RBFOX1: variants seen among roughly 807,000 people sequenced by gnomAD.
RBFOX1 encodes the protein RNA binding fox-1 homolog 1.
A neutral mutation model predicts 57.7 loss-of-function variants in RBFOX1; 8 were observed. The ratio of observed to expected loss-of-function variants is 0.14; its 90% CI spans 0.08 to 0.25. The LOEUF (loss-of-function observed/expected upper bound fraction) is 0.25. RBFOX1 is among the 10% of genes least tolerant of loss of function. The pLI is 1.00. For synonymous variants in RBFOX1, 326 were observed against 222.4 expected (o/e 1.47, Z -4.15); for missense variants, 611 against 548.5 (o/e 1.11, Z -1.14).
intron 2 of RBFOX1, among the ~76,000 whole-genome samples, chr16:6,528,196 C>G (rs1333339840): frequency 6.6e-6 from 1 of 152,132 alleles, no homozygotes; most frequent in Non-Finnish European, 1.5e-5. Context: ...CCATAAATTG[C>G]CCTGCTCATA....
chr16:5,490,751 A>T (rs1444568159), intron 2 of RBFOX1, among the ~76,000 whole-genome samples: 2 of 152,172 alleles, frequency 1.3e-5, no homozygotes, highest in Non-Finnish European at 2.9e-5. Flanking sequence ...GAGATCATGA[A>T]GCTGCCGCGC....
chr16:7,432,524 A>G (rs192794840), intron 4 of RBFOX1, among the ~76,000 whole-genome samples: 2 of 152,168 alleles, frequency 1.3e-5, no homozygotes, highest in African/African-American at 4.8e-5. Flanking sequence ...ATGCACAAAC[A>G]TTTTTTTTAT....
At chr16:7,348,841 C>G (rs2145811084) in intron 4 of RBFOX1, among the ~76,000 whole-genome samples, 1 of 152,242 alleles carries the variant, frequency 6.6e-6, no homozygotes, top group East Asian at 1.9e-4. Context: ...CCTTGGGAGG[C>G]TCAGGCAGGA....
chr16:7,211,945 C>T (rs2091225333), intron 4 of RBFOX1, among the ~76,000 whole-genome samples: 1 of 152,142 alleles, frequency 6.6e-6, no homozygotes, highest in South Asian at 2.1e-4. Flanking sequence ...GCCTTTTCCT[C>T]TCACCCCTAC....
chr16:5,891,167 G>T (rs1407057567), intron 4 of RBFOX1, among the ~76,000 whole-genome samples: 1 of 151,756 alleles, frequency 6.6e-6, no homozygotes, highest in Non-Finnish European at 1.5e-5. Flanking sequence ...TTTTTTCTTT[G>T]CACAAAGGGC....
intron 4 of RBFOX1, among the ~76,000 whole-genome samples, chr16:7,435,098 T>C (rs527740986): frequency 1.3e-5 from 2 of 152,362 alleles, no homozygotes; most frequent in South Asian, 2.1e-4. Flanking sequence ...TGTTAACTAA[T>C]GTCTACATTT....
chr16:5,687,043 A>C (rs1327008482), intron 3 of RBFOX1, among the ~76,000 whole-genome samples: 2 of 152,208 alleles, frequency 1.3e-5, no homozygotes, highest in Admixed American at 6.5e-5. Context: ...AAGAAGGATT[A>C]CTCACTCATA....
chr16:5,665,058 G>A (rs190109981), intron 3 of RBFOX1, among the ~76,000 whole-genome samples: 74 of 147,384 alleles, frequency 5.0e-4, no homozygotes, highest in Middle Eastern at 7.0e-3. Flanking sequence ...TGATTTTCTC[G>A]TCCCAGGCTC....
intron 4 of RBFOX1, among the ~76,000 whole-genome samples, chr16:7,400,340 TC>T (rs1474026224): frequency 2.0e-5 from 3 of 152,076 alleles, no homozygotes; most frequent in African/African-American, 7.2e-5. Flanking sequence ...CCCTCTCTCC[TC>T]CCACTGAACC....
At chr16:5,754,304 G>C (rs1443551825) in intron 3 of RBFOX1, among the ~76,000 whole-genome samples, 1 of 152,120 alleles carries the variant, frequency 6.6e-6, no homozygotes, top group Non-Finnish European at 1.5e-5. Context: ...ACATGTTTAG[G>C]ATTATACCTT....
intron 4 of RBFOX1, among the ~76,000 whole-genome samples, chr16:7,427,318 G>C (rs531339621): frequency 6.6e-6 from 1 of 152,282 alleles, no homozygotes; most frequent in South Asian, 2.1e-4. Context: ...TAGGATGTAG[G>C]ACGGGGCCAA....
intron 1 of RBFOX1, among the ~76,000 whole-genome samples, chr16:5,303,794 C>A (rs948846349): frequency 3.3e-5 from 5 of 151,210 alleles, no homozygotes; most frequent in African/African-American, 1.2e-4. Context: ...TCCAATAAAG[C>A]AAAAATGATT....
At chr16:5,388,958 G>A (rs1325917359) in intron 1 of RBFOX1, among the ~76,000 whole-genome samples, 1 of 151,432 alleles carries the variant, frequency 6.6e-6, no homozygotes, top group Admixed American at 6.6e-5. Flanking sequence ...TTGGGAGGCC[G>A]AGGTGGGCAG....
intron 4 of RBFOX1, among the ~76,000 whole-genome samples, chr16:7,419,211 C>T (rs57798169): frequency 0.22 from 33,853 of 152,090 alleles, 3,971 homozygotes; most frequent in East Asian, 0.32. Flanking sequence ...CCGTCCCCCA[C>T]CCCCAGCCAA....
chr16:7,345,745 A>C (rs1392859912), intron 4 of RBFOX1, among the ~76,000 whole-genome samples: 2 of 152,186 alleles, frequency 1.3e-5, no homozygotes, highest in Non-Finnish European at 2.9e-5. Flanking sequence ...TGGGATTCTT[A>C]TCTGTCCAAA....
intron 2 of RBFOX1, among the ~76,000 whole-genome samples, chr16:5,468,475 A>G (rs1047796454): frequency 5.9e-5 from 9 of 152,132 alleles, no homozygotes; most frequent in African/African-American, 1.9e-4. Flanking sequence ...GGCTTCTTTT[A>G]CCAAGAAAAC....
intron 3 of RBFOX1, among the ~76,000 whole-genome samples, chr16:6,708,908 T>G (rs1288390481): frequency 6.6e-6 from 1 of 152,058 alleles, no homozygotes; most frequent in Non-Finnish European, 1.5e-5. Flanking sequence ...CCCACTCCAT[T>G]GCGTCCCCAA....
chr16:6,405,467 T>C (rs757181963), intron 2 of RBFOX1, among the ~76,000 whole-genome samples: 23 of 152,170 alleles, frequency 1.5e-4, no homozygotes, highest in Non-Finnish European at 2.8e-4. Context: ...CCGTATCATC[T>C]GGACACACAA....
chr16:6,389,954 G>C (rs2092511691), intron 2 of RBFOX1, among the ~76,000 whole-genome samples: 1 of 152,212 alleles, frequency 6.6e-6, no homozygotes, highest in South Asian at 2.1e-4. Context: ...GGCTGGTGAA[G>C]TGTCCAGGAG....
Sources: allele counts gnomAD v4.1 joint callset (sites outside exome capture counted in the v4.1 genomes callset), GRCh38; gene constraint gnomAD v4.1.1; transcripts MANE v1.5; gene names NCBI Gene and HGNC (gene_info 2026-07-23, HGNC 2026-07-21).